Variants in UBE2E2 observed in about 807,000 individuals in gnomAD.
The protein encoded by UBE2E2 is ubiquitin-conjugating enzyme E2 E2.
Under a neutral mutation model 24.7 loss-of-function variants are expected in UBE2E2, and 6 were observed. The ratio of observed to expected loss-of-function variants is 0.24; its 90% CI spans 0.13 to 0.48. The LOEUF (loss-of-function observed/expected upper bound fraction) is 0.48. Ranked by LOEUF, UBE2E2 falls within the 20% of genes least tolerant of loss-of-function variation. The pLI, the probability that UBE2E2 is intolerant of heterozygous loss-of-function variation, is 0.99. For synonymous variants in UBE2E2, 104 were observed against 83.6 expected, an observed-to-expected ratio of 1.24 and a Z score of -1.33; for missense variants, 169 against 245.0, an observed-to-expected ratio of 0.69 and a Z score of 2.07.
chr3:23,444,065 G>T (rs199675449), intron 3 of UBE2E2, among the ~76,000 whole-genome samples: 4,662 of 116,926 alleles, frequency 0.04, 237 homozygotes, highest in African/African-American at 0.13. Context: ...CACCAGTTTT[G>T]TTTTTTTTTT....
chr3:23,298,082 T>C (rs1490561282), intron 3 of UBE2E2, among the ~76,000 whole-genome samples: 1 of 152,080 alleles, frequency 6.6e-6, no homozygotes, highest in African/African-American at 2.4e-5. Context: ...GATTTGGCTC[T>C]CTGTTTGTCT....
intron 3 of UBE2E2, among the ~76,000 whole-genome samples, chr3:23,464,525 G>A (rs773617474): frequency 1.2e-4 from 19 of 152,126 alleles, no homozygotes; most frequent in Non-Finnish European, 2.1e-4. Context: ...TGCTTTAAGA[G>A]TTCATTTAGA....
chr3:23,379,883 A>G (rs936354255), intron 3 of UBE2E2, among the ~76,000 whole-genome samples: 5 of 152,048 alleles, frequency 3.3e-5, no homozygotes, highest in Non-Finnish European at 5.9e-5. Flanking sequence ...ACTCAGAGTA[A>G]TCCTGTGCAG....
At chr3:23,446,999 C>T (rs1698449594) in intron 3 of UBE2E2, among the ~76,000 whole-genome samples, 1 of 152,174 alleles carries the variant, frequency 6.6e-6, no homozygotes, top group South Asian at 2.1e-4. Flanking sequence ...ACAGTCCTTA[C>T]ATGCTGTTTC....
In UBE2E2 at chr3:23,276,300, G is replaced by T. The variant is rs149477352; in HGVS notation, c.227+58988G>T. Among the ~76,000 whole-genome samples the T allele has an allele frequency of 6.6e-3, 1,002 of 151,704 alleles. 6 individuals are homozygous for T. Among genetic ancestry groups the T allele is most frequent in the Non-Finnish European group, 0.011 (767 of 67,934 alleles). ...ATACACTTCATTTATTCTAATTTTT[G>T]ATTTTAAATTTTAGTTTTAAGAAAC... On this transcript the variant is annotated intron_variant, in intron 3 of 5. Coordinates refer to ENST00000396703, the MANE Select transcript of UBE2E2 (RefSeq NM_152653.4).
At chr3:23,273,545 G>A (rs201672904) in intron 3 of UBE2E2, among the ~76,000 whole-genome samples, 11,224 of 124,308 alleles carry the variant, frequency 0.09, 552 homozygotes, top group Non-Finnish European at 0.11. Context: ...AAAAAAAAAA[G>A]AGAGAGAAAT....
intron 5 of UBE2E2, among the ~76,000 whole-genome samples, chr3:23,577,455 G>A (rs1354273967): frequency 7.2e-5 from 11 of 152,108 alleles, no homozygotes; most frequent in African/African-American, 2.4e-4. Context: ...GTAACTCTCT[G>A]CAATCCTGTG....
rs111861301 is a variant in UBE2E2 at position 23,387,236 on chromosome 3, C to T, written c.228-112372C>T. The stretch of plus-strand genomic sequence containing the variant: ...TAGATTTCTGTGGTTACAGGGCAGA[C>T]GTTGTAATAGAGGCTATGAGATTTT... On this transcript the variant is annotated intron_variant, in intron 3 of 5. Transcript: ENST00000396703. Among the ~76,000 whole-genome samples the T allele has an allele frequency of 3.3e-3, 497 of 152,260 alleles. 2 individuals are homozygous for T. The highest frequency in any genetic ancestry group is 0.019 in the South Asian group (90 of 4,822).
chr3:23,281,773 G>A (rs1045381918), intron 3 of UBE2E2, among the ~76,000 whole-genome samples: 8 of 151,994 alleles, frequency 5.3e-5, no homozygotes, highest in African/African-American at 1.2e-4. Flanking sequence ...AATTTCATTC[G>A]CAGTAATATT....
intron 3 of UBE2E2, among the ~76,000 whole-genome samples, chr3:23,344,268 C>A (rs542603669): frequency 6.6e-6 from 1 of 152,044 alleles, no homozygotes; most frequent in Non-Finnish European, 1.5e-5. Context: ...AGTCATCTTA[C>A]AATAGAGACA....
At chr3:23,400,362 G>A (rs986179482) in intron 3 of UBE2E2, among the ~76,000 whole-genome samples, 2 of 152,146 alleles carry the variant, frequency 1.3e-5, no homozygotes, top group African/African-American at 4.8e-5. Flanking sequence ...TTGAGTTGGG[G>A]TCTTTCTATG....
intron 3 of UBE2E2, among the ~76,000 whole-genome samples, chr3:23,223,091 C>A (rs959950649): frequency 3.1e-5 from 4 of 130,888 alleles, no homozygotes; most frequent in African/African-American, 1.1e-4. Context: ...GTGATCTCTG[C>A]TCACTGTAAC....
intron 3 of UBE2E2, among the ~76,000 whole-genome samples, chr3:23,270,035 A>C (rs1698190248): frequency 6.6e-6 from 1 of 152,038 alleles, no homozygotes; most frequent in South Asian, 2.1e-4. Context: ...GTCCTGGTGC[A>C]GGCCCCGAGT....
chr3:23,416,640 G>C (rs933093683), intron 3 of UBE2E2, among the ~76,000 whole-genome samples: 1 of 152,142 alleles, frequency 6.6e-6, no homozygotes, highest in Non-Finnish European at 1.5e-5. Context: ...ATATCCTGCA[G>C]TGTTTTCCAA....
chr3:23,427,899 C>T (rs1205179241), intron 3 of UBE2E2, among the ~76,000 whole-genome samples: 1 of 152,142 alleles, frequency 6.6e-6, no homozygotes, highest in Non-Finnish European at 1.5e-5. Flanking sequence ...TGCATAACAA[C>T]AGCATATCAA....
rs1402169163 is a variant in UBE2E2, at chr3:23,302,096, G to A, written c.227+84784G>A. Among the ~76,000 whole-genome samples, 5 of 151,994 alleles carry A rather than the reference G, an allele frequency of 3.3e-5. No homozygotes were observed. In the East Asian group the frequency reaches 9.6e-4, roughly 29 times the overall value. The stretch of plus-strand genomic sequence containing the variant: ...TATCTTTGTAATTTCCTCCATTCCA[G>A]GAGTTCTTGAGGCTTGGGCTCTCCA... On this transcript the variant is annotated intron_variant, in intron 3 of 5. Coordinates refer to ENST00000396703, the MANE Select transcript of UBE2E2 (RefSeq NM_152653.4).
rs180973416 is a variant in UBE2E2, at chr3:23,463,418, T to C, written c.228-36190T>C. On this transcript the variant is annotated intron_variant, in intron 3 of 5. Coordinates refer to ENST00000396703, the MANE Select transcript of UBE2E2 (RefSeq NM_152653.4). Reference sequence around the variant, plus strand: ...TAACTTCTCACGTCAAAGAAAATACTGCTTTACTATAAGCAATGAGAGGTC... The same window carrying C: ...TAACTTCTCACGTCAAAGAAAATACCGCTTTACTATAAGCAATGAGAGGTC... Among the ~76,000 whole-genome samples, 8 of 152,260 alleles carry C rather than the reference T, an allele frequency of 5.3e-5. No individual in the cohort carries two copies. In the East Asian group the frequency reaches 1.5e-3, roughly 29 times the overall value.
chr3:23,486,965 C>T (rs1438334084), intron 3 of UBE2E2, among the ~76,000 whole-genome samples: 1 of 152,220 alleles, frequency 6.6e-6, no homozygotes, highest in Non-Finnish European at 1.5e-5. Flanking sequence ...CCCACCACCT[C>T]CCACATAGGC....
chr3:23,282,225 T>TG (rs1313628492), intron 3 of UBE2E2, among the ~76,000 whole-genome samples: 1 of 152,198 alleles, frequency 6.6e-6, no homozygotes, highest in East Asian at 1.9e-4. Context: ...TCTGGGAAAT[T>TG]TTGTTTTGCT....
Sources: gnomAD v4.1 joint callset for allele counts (sites outside exome capture counted in the v4.1 genomes callset) on GRCh38, gnomAD v4.1.1 for gene constraint, MANE v1.5 for transcripts, NCBI Gene and HGNC (gene_info 2026-07-23, HGNC 2026-07-21) for gene names.